Variants in GNAQ observed in about 807,000 individuals in gnomAD.
GNAQ encodes guanine nucleotide-binding protein G(q) subunit alpha.
Under a neutral mutation model 43.9 loss-of-function variants are expected in GNAQ, and 8 were observed. That is an observed-to-expected ratio of 0.18 (90% CI 0.11 to 0.33). GNAQ has a LOEUF of 0.33. GNAQ is among the 10% of genes least tolerant of loss of function. The probability of loss-of-function intolerance (pLI) is 1.00; values close to 1 mark genes in which losing one functional copy is unlikely to be tolerated. For synonymous variants in GNAQ, 155 were observed against 170.7 expected (o/e 0.91, Z 0.71); for missense variants, 158 against 450.8 (o/e 0.35, Z 5.88).
chr9:77,962,892 CAAAAAA>C (rs538653191), intron 1 of GNAQ, among the ~76,000 whole-genome samples: 1 of 55,240 alleles, frequency 1.8e-5, no homozygotes, highest in African/African-American at 7.0e-5. Context: ...AACTTAGTCT[CAAAAAA>C]AAAAAAAAAA....
chr9:77,973,660 T>C (rs1298345487), intron 1 of GNAQ, among the ~76,000 whole-genome samples: 1 of 152,230 alleles, frequency 6.6e-6, no homozygotes, highest in East Asian at 1.9e-4. Context: ...CTACTAAAAA[T>C]ACAAAAATTA....
intron 1 of GNAQ, among the ~76,000 whole-genome samples, chr9:78,016,479 A>G (rs1282267867): frequency 6.6e-6 from 1 of 152,116 alleles, no homozygotes; most frequent in Non-Finnish European, 1.5e-5. Context: ...AGGCCAGGAG[A>G]TCGAGACCAT....
intron 3 of GNAQ, among the ~76,000 whole-genome samples, chr9:77,802,880 A>C (rs1237463611): frequency 1.3e-5 from 2 of 152,108 alleles, no homozygotes; most frequent in Admixed American, 1.3e-4. Flanking sequence ...ATGGGGATTT[A>C]ATGACTTTTC....
chr9:77,987,771 C>T (rs1278402388), intron 1 of GNAQ, among the ~76,000 whole-genome samples: 1 of 152,142 alleles, frequency 6.6e-6, no homozygotes, highest in Non-Finnish European at 1.5e-5. Context: ...TGGCATCCAC[C>T]TGCAGTCCCA....
intron 2 of GNAQ, among the ~76,000 whole-genome samples, chr9:77,874,109 A>AAAAAACAAAAAC (rs1554722281): frequency 0.039 from 5,793 of 148,158 alleles, 448 homozygotes; most frequent in African/African-American, 0.14. Context: ...CATCTCAAAA[A>AAAAAACAAAAAC]AAAAAAACAA....
chr9:77,872,466 G>A (rs1033026658), intron 2 of GNAQ, among the ~76,000 whole-genome samples: 3 of 152,158 alleles, frequency 2.0e-5, no homozygotes, highest in Non-Finnish European at 4.4e-5. Flanking sequence ...TTTACCATGT[G>A]CTAAATTATA....
chr9:77,727,473 G>A (rs527794849), intron 6 of GNAQ, among the ~76,000 whole-genome samples: 8 of 152,236 alleles, frequency 5.3e-5, no homozygotes, highest in African/African-American at 1.7e-4. Flanking sequence ...AGTTGGGGAG[G>A]GTAAGATCCT....
intron 1 of GNAQ, among the ~76,000 whole-genome samples, chr9:77,946,212 T>C (rs1822892196): frequency 6.6e-6 from 1 of 152,098 alleles, no homozygotes. Context: ...CAGAAACATT[T>C]TGTGAAGTCT....
In GNAQ at chr9:77,718,940, ATCAAATGGCAAAAGT is replaced by A. The variant is rs1165823054; in HGVS notation, c.*2368_*2382del. ...ATAAAAGCTCATATTCCAATCCTAG[ATCAAATGGCAAAAGT>A]TCTACAAAGTTGGTTTCCATGTTTG... On this transcript the variant is annotated 3_prime_UTR_variant, in exon 7 of 7. Coordinates refer to ENST00000286548, the MANE Select transcript of GNAQ (RefSeq NM_002072.5). 12 of 231,946 alleles carry A rather than the reference ATCAAATGGCAAAAGT, an allele frequency of 5.2e-5. No homozygotes were observed. The highest frequency in any genetic ancestry group is 9.4e-5 in the Non-Finnish European group (11 of 117,462). 14.4% of individuals were successfully genotyped at this position (231,946 alleles called of 1,614,324 possible). A position where few individuals can be genotyped will look rare whatever the true frequency, so the allele number is the denominator to read the frequency against.
chr9:77,835,574 T>G (rs551882302), intron 2 of GNAQ, among the ~76,000 whole-genome samples: 19 of 151,994 alleles, frequency 1.3e-4, no homozygotes, highest in African/African-American at 4.6e-4. Flanking sequence ...CAGAAAAAAA[T>G]AGCTATCTTT....
At chr9:78,006,647 T>C (rs1823710580) in intron 1 of GNAQ, among the ~76,000 whole-genome samples, 1 of 152,222 alleles carries the variant, frequency 6.6e-6, no homozygotes, top group African/African-American at 2.4e-5. Context: ...TAAGGTCTCC[T>C]GAAATACGCC....
At chr9:77,928,844 A>C (rs1587415308) in intron 1 of GNAQ, among the ~76,000 whole-genome samples, 1 of 152,082 alleles carries the variant, frequency 6.6e-6, no homozygotes, top group Admixed American at 6.5e-5. Context: ...ACATGGTGAA[A>C]CCCCGTCTCT....
chr9:77,794,697 GAC>G, intron 4 of GNAQ, 105 bp from the exon 5 acceptor site: 1 of 591,894 alleles, frequency 1.7e-6, no homozygotes, highest in Non-Finnish European at 2.9e-6. Context: ...TCTCTTGAAT[GAC>G]GATGATCATC....
chr9:77,997,606 C>T (rs1273192054), intron 1 of GNAQ, among the ~76,000 whole-genome samples: 1 of 152,086 alleles, frequency 6.6e-6, no homozygotes, highest in African/African-American at 2.4e-5. Flanking sequence ...TGGTCAAGAG[C>T]CACGCCAGCC....
At chr9:78,019,903 G>T (rs1352036228) in intron 1 of GNAQ, among the ~76,000 whole-genome samples, 1 of 124,908 alleles carries the variant, frequency 8.0e-6, no homozygotes. Context: ...CAGCCTGGGT[G>T]ACAGAGTGAG....
At chr9:77,912,328 T>C (rs534074518) in intron 2 of GNAQ, among the ~76,000 whole-genome samples, 7 of 152,338 alleles carry the variant, frequency 4.6e-5, no homozygotes, top group East Asian at 3.9e-4. Context: ...AATAAATGAA[T>C]TGGGTTAATT....
At chr9:77,986,562 G>C (rs1037559689) in intron 1 of GNAQ, among the ~76,000 whole-genome samples, 1 of 152,270 alleles carries the variant, frequency 6.6e-6, no homozygotes. Context: ...CTAGAGTGCA[G>C]TGGCATGATA....
chr9:77,893,093 C>T (rs1828429733), intron 2 of GNAQ, among the ~76,000 whole-genome samples: 1 of 152,158 alleles, frequency 6.6e-6, no homozygotes, highest in African/African-American at 2.4e-5. Flanking sequence ...GGGTTTCAAA[C>T]CAGAGCGACT....
At chr9:77,929,511 A>G (rs1829117048) in intron 1 of GNAQ, among the ~76,000 whole-genome samples, 1 of 152,114 alleles carries the variant, frequency 6.6e-6, no homozygotes, top group South Asian at 2.1e-4. Flanking sequence ...AGGTAAATGT[A>G]CTTTTTCCTG....
Sources: allele counts gnomAD v4.1 joint callset (sites outside exome capture counted in the v4.1 genomes callset), GRCh38; gene constraint gnomAD v4.1.1; transcripts MANE v1.5; gene names NCBI Gene and HGNC (gene_info 2026-07-23, HGNC 2026-07-21).